The following RERE variants were observed in gnomAD, a reference collection of about 807,000 sequenced individuals.
The protein encoded by RERE is arginine-glutamic acid dipeptide repeats protein.
Under a neutral mutation model 146.1 loss-of-function variants are expected in RERE, and 40 were observed. That is an observed-to-expected ratio of 0.27 (90% CI 0.21 to 0.36). RERE has a LOEUF of 0.36. Ranked by LOEUF, RERE falls within the 10% of genes least tolerant of loss-of-function variation. The pLI is 1.00. For synonymous variants in RERE, 1,003 were observed against 866.0 expected (o/e 1.16, Z -2.78); for missense variants, 1,933 against 2,138.7 (o/e 0.90, Z 1.90).
intron 4 of RERE, among the ~76,000 whole-genome samples, chr1:8,578,093 A>T (rs942639703): frequency 6.6e-6 from 1 of 152,050 alleles, no homozygotes; most frequent in African/African-American, 2.4e-5. Flanking sequence ...TCCATCCGGG[A>T]AAGAAAAAAA....
intron 4 of RERE, among the ~76,000 whole-genome samples, chr1:8,564,846 G>A (rs1246944259): frequency 1.4e-5 from 2 of 139,964 alleles, no homozygotes; most frequent in African/African-American, 5.4e-5. Context: ...GTGTGTGTGT[G>A]TGTGTGTGTG....
Position 8,401,069 on chromosome 1 carries a change from A to ATATATG in RERE, c.1284+21657_1284+21658insCATATA, listed in dbSNP as rs761609705. ...TATATATATATATATATATATATAT[A>ATATATG]TATGTCACTTAATAGTTTTTGGGAG... is the stretch of plus-strand genomic sequence containing the variant. On this transcript the variant is annotated intron_variant, in intron 12 of 22. Coordinates refer to ENST00000400908, the MANE Select transcript of RERE (RefSeq NM_001042681.2). Among the ~76,000 whole-genome samples the ATATATG allele has an allele frequency of 1.3e-3, 113 of 85,116 alleles. 2 individuals carry two copies. The highest frequency in any genetic ancestry group is 1.7e-3 in the Non-Finnish European group (69 of 39,740). 55.8% of individuals were successfully genotyped at this position (85,116 alleles called of 152,430 possible).
intron 2 of RERE, among the ~76,000 whole-genome samples, chr1:8,634,555 A>G (rs1396469665): frequency 1.3e-5 from 2 of 152,162 alleles, no homozygotes; most frequent in Non-Finnish European, 2.9e-5. Context: ...TTCAAATTTA[A>G]TTGTTTGCTT....
chr1:8,577,189 A>AATTTC (rs1262047876), intron 4 of RERE, among the ~76,000 whole-genome samples: 1 of 151,956 alleles, frequency 6.6e-6, no homozygotes, highest in Non-Finnish European at 1.5e-5. Context: ...GAAAGAAAGA[A>AATTTC]ATTTCATATG....
At position 8,595,054 on chromosome 1, in the gene RERE, A is replaced by C. The variant is rs1001220521; in HGVS notation, c.522+19507T>G. ...TGTGCTTGTGTGGTCCCAGCTACTC[A>C]AAAGGCTGAGGCAGGAGGATCGCTT... On this transcript the variant is annotated intron_variant, in intron 4 of 22. Transcript: ENST00000400908. Among the ~76,000 whole-genome samples, 4 of 152,050 alleles carry C rather than the reference A, an allele frequency of 2.6e-5. No individual in the cohort carries two copies. In the South Asian group the frequency reaches 8.3e-4, roughly 32 times the overall value.
chr1:8,545,305 T>G (rs1223048280), intron 6 of RERE, among the ~76,000 whole-genome samples: 1 of 152,204 alleles, frequency 6.6e-6, no homozygotes, highest in African/African-American at 2.4e-5. Context: ...AAATGACTCA[T>G]TTCAGTAATC....
chr1:8,537,036 A>G (rs1463403061), intron 7 of RERE, among the ~76,000 whole-genome samples: 2 of 152,042 alleles, frequency 1.3e-5, no homozygotes, highest in Non-Finnish European at 2.9e-5. Flanking sequence ...GACCTCAACT[A>G]GACAAAAAAT....
At chr1:8,777,378 A>T (rs1641083851) in intron 1 of RERE, among the ~76,000 whole-genome samples, 1 of 152,190 alleles carries the variant, frequency 6.6e-6, no homozygotes. Context: ...GAAAGAACAA[A>T]GAGAATACCC....
intron 4 of RERE, among the ~76,000 whole-genome samples, chr1:8,586,472 A>C (rs1032718907): frequency 1.3e-5 from 2 of 152,222 alleles, no homozygotes; most frequent in Non-Finnish European, 2.9e-5. Flanking sequence ...TTTATTCTAC[A>C]ATCAAAAGGA....
At chr1:8,623,777 G>A (rs1326202700) in intron 3 of RERE, among the ~76,000 whole-genome samples, 1 of 152,118 alleles carries the variant, frequency 6.6e-6, no homozygotes. Context: ...TGCAACACAT[G>A]CACTAAAACT....
chr1:8,360,312 C>A lies in RERE; in HGVS notation c.3195G>T (p.Ser1065=). 6.5e-7 allele frequency: 1 copy of A among 1,537,056 alleles called. No individual in the cohort carries two copies. Among genetic ancestry groups the A allele is most frequent in the East Asian group, 2.4e-5 (1 of 41,330 alleles). ...CCGCACCAGAGCAGGGTGGCTGGGC[C>A]GAGGTGCCAGGTCCCGCCGGTGGGG... ...TSTPPAGPGT[S]AQPPCSGAAA... is the part of the protein sequence containing the mutation. The change falls in exon 18 of 23, where the codon TCG becomes TCT. Residue 1065 remains serine (S), a synonymous_variant. Transcript: ENST00000400908.
At chr1:8,598,228 G>A (rs1179271766) in intron 4 of RERE, among the ~76,000 whole-genome samples, 1 of 152,164 alleles carries the variant, frequency 6.6e-6, no homozygotes, top group East Asian at 1.9e-4. Flanking sequence ...CTTGCTCCCA[G>A]ACTCCCTCCC....
intron 1 of RERE, among the ~76,000 whole-genome samples, chr1:8,662,924 C>T (rs1473972850): frequency 1.3e-5 from 2 of 152,148 alleles, no homozygotes; most frequent in South Asian, 2.1e-4. Context: ...GAGAATTACA[C>T]AAGTATACTA....
At chr1:8,760,780 T>C (rs1640742915) in intron 1 of RERE, among the ~76,000 whole-genome samples, 1 of 152,134 alleles carries the variant, frequency 6.6e-6, no homozygotes, top group South Asian at 2.1e-4. Context: ...AAACACTTTG[T>C]ACAATTTTAT....
At chr1:8,397,510 C>G (rs775360827) in intron 12 of RERE, among the ~76,000 whole-genome samples, 1 of 151,398 alleles carries the variant, frequency 6.6e-6, no homozygotes, top group African/African-American at 2.4e-5. Context: ...AGCAACCATT[C>G]TGTAAAATGT....
At chr1:8,464,677 C>G (rs972705080) in intron 11 of RERE, among the ~76,000 whole-genome samples, 2 of 152,168 alleles carry the variant, frequency 1.3e-5, no homozygotes, top group African/African-American at 4.8e-5. Flanking sequence ...CCTTAGGGCC[C>G]AGAATTCTCT....
intron 1 of RERE, among the ~76,000 whole-genome samples, chr1:8,730,796 T>C (rs1338046961): frequency 6.6e-6 from 1 of 152,192 alleles, no homozygotes; most frequent in African/African-American, 2.4e-5. Flanking sequence ...CCCTTTGTAC[T>C]TTATCTGTGA....
rs1644427004 is a variant in RERE at position 8,454,502 on chromosome 1, A to G, written c.1203+11423T>C. ...TTCTCCTTTTCCTATAATTTTTTAG[A>G]TTAAAAAAAAAAACTTAAGACTTGC... On this transcript the variant is annotated intron_variant, in intron 11 of 22. Coordinates refer to ENST00000400908, the MANE Select transcript of RERE (RefSeq NM_001042681.2). Among the ~76,000 whole-genome samples the G allele has an allele frequency of 2.0e-5, 3 of 151,966 alleles. No individual in the cohort carries two copies. The South Asian group carries it at 6.2e-4, about 32-fold the overall frequency.
At position 8,694,979 on chromosome 1, in the gene RERE, G is replaced by GA. The variant is rs897400013; in HGVS notation, c.-144-38539_-144-38538insT. Among the ~76,000 whole-genome samples the GA allele has an allele frequency of 1.2e-4, 17 of 137,904 alleles. 3 individuals carry two copies. Among genetic ancestry groups the GA allele is most frequent in the Admixed American group, 1.0e-3 (14 of 14,022 alleles). 90.5% of individuals were successfully genotyped at this position (137,904 alleles called of 152,430 possible). A position where few individuals can be genotyped will look rare whatever the true frequency, so the allele number is the denominator to read the frequency against. ...AAGAGCCAAAGAAATCCTAAGGGGG[G>GA]GGGGGGAATGCTGGCAGCATCACAT... On this transcript the variant is annotated intron_variant, in intron 1 of 22. Coordinates refer to ENST00000400908, the MANE Select transcript of RERE (RefSeq NM_001042681.2).
Sources: allele counts gnomAD v4.1 joint callset (sites outside exome capture counted in the v4.1 genomes callset), GRCh38; gene constraint gnomAD v4.1.1; transcripts MANE v1.5; gene names NCBI Gene and HGNC (gene_info 2026-07-23, HGNC 2026-07-21).